CCSER1: variants seen among roughly 807,000 people sequenced by gnomAD.
CCSER1 encodes serine-rich coiled-coil domain-containing protein 1.
Under a neutral mutation model 82.0 loss-of-function variants are expected in CCSER1, and 41 were observed. The ratio of observed to expected loss-of-function variants is 0.50; its 90% CI spans 0.39 to 0.65. CCSER1 has a LOEUF of 0.65. Among genes scored for constraint, CCSER1 ranks in the 30% least tolerant of loss-of-function variants. The pLI is 0.00. For synonymous variants in CCSER1, 414 were observed against 383.9 expected, an observed-to-expected ratio of 1.08 and a Z score of -0.92; for missense variants, 1,119 against 1,064.2, an observed-to-expected ratio of 1.05 and a Z score of -0.72.
At chr4:90,494,587 A>G (rs749515515) in intron 5 of CCSER1, among the ~76,000 whole-genome samples, 2 of 152,132 alleles carry the variant, frequency 1.3e-5, no homozygotes, top group African/African-American at 2.4e-5. Flanking sequence ...AAACTACAAA[A>G]TTTCTTTGAA....
At chr4:91,504,320 C>T (rs1391211890) in intron 10 of CCSER1, among the ~76,000 whole-genome samples, 1 of 152,014 alleles carries the variant, frequency 6.6e-6, no homozygotes, top group Non-Finnish European at 1.5e-5. Flanking sequence ...TAATTGTTTT[C>T]CCTAATCTGA....
chr4:90,747,168 T>C (rs1747621454), intron 7 of CCSER1, among the ~76,000 whole-genome samples: 1 of 152,054 alleles, frequency 6.6e-6, no homozygotes, highest in South Asian at 2.1e-4. Context: ...CACTATTAGG[T>C]TGGGCATGTA....
chr4:90,977,815 G>C (rs541286040), intron 9 of CCSER1, among the ~76,000 whole-genome samples: 1 of 151,742 alleles, frequency 6.6e-6, no homozygotes, highest in Admixed American at 6.6e-5. Context: ...ACATTTAATA[G>C]ATGACAATAG....
chr4:90,491,115 A>G (rs1230813690), intron 5 of CCSER1, among the ~76,000 whole-genome samples: 1 of 152,100 alleles, frequency 6.6e-6, no homozygotes, highest in Non-Finnish European at 1.5e-5. Context: ...CTTGGGCAGT[A>G]TGGCCATTTT....
chr4:90,656,752 T>C (rs1406671323), intron 6 of CCSER1, among the ~76,000 whole-genome samples: 2 of 151,964 alleles, frequency 1.3e-5, no homozygotes. Flanking sequence ...GAAATAATTA[T>C]TTTCTAATTA....
At chr4:91,112,566 C>T (rs1476636059) in intron 10 of CCSER1, 1 of 152,062 alleles carries the variant, frequency 6.6e-6, no homozygotes, top group Non-Finnish European at 1.5e-5. Context: ...ACTTAAGGGT[C>T]ACTCATTGCA....
intron 8 of CCSER1, among the ~76,000 whole-genome samples, chr4:90,897,697 T>G (rs2150135799): frequency 6.6e-6 from 1 of 152,192 alleles, no homozygotes; most frequent in East Asian, 1.9e-4. Context: ...TTGAGAAATC[T>G]TCTACCATTT....
At chr4:91,331,389 C>T (rs1023580446) in intron 10 of CCSER1, among the ~76,000 whole-genome samples, 5 of 152,010 alleles carry the variant, frequency 3.3e-5, no homozygotes, top group African/African-American at 7.2e-5. Context: ...ATGTAAGAAA[C>T]CCCTAAGGTA....
intron 9 of CCSER1, among the ~76,000 whole-genome samples, chr4:91,045,960 G>A (rs1742436295): frequency 6.6e-6 from 1 of 150,980 alleles, no homozygotes; most frequent in South Asian, 2.1e-4. Flanking sequence ...CAGTCAAAGG[G>A]GGTTCTCTGG....
chr4:90,257,522 A>C (rs1327557351), intron 1 of CCSER1, among the ~76,000 whole-genome samples: 1 of 149,450 alleles, frequency 6.7e-6, no homozygotes, highest in East Asian at 1.9e-4. Context: ...GAGAGTGCCA[A>C]TAGGATACAG....
chr4:90,471,298 T>A (rs954464219), intron 5 of CCSER1, among the ~76,000 whole-genome samples: 2 of 151,946 alleles, frequency 1.3e-5, no homozygotes, highest in African/African-American at 4.8e-5. Flanking sequence ...CCCTGGGCAC[T>A]GTGGCTTGCA....
chr4:90,703,572 G>T (rs1318851390), intron 6 of CCSER1, among the ~76,000 whole-genome samples: 3 of 152,168 alleles, frequency 2.0e-5, no homozygotes, highest in Admixed American at 6.5e-5. Flanking sequence ...TGACAGTGGG[G>T]TGTTAAAGTC....
At chr4:90,224,226 C>T (rs981526668) in intron 1 of CCSER1, among the ~76,000 whole-genome samples, 2 of 152,176 alleles carry the variant, frequency 1.3e-5, no homozygotes, top group African/African-American at 4.8e-5. Context: ...AAAAGGCAGA[C>T]TCCTGAGGTT....
At chr4:90,876,442 T>C (rs1006902060) in intron 8 of CCSER1, among the ~76,000 whole-genome samples, 7 of 152,112 alleles carry the variant, frequency 4.6e-5, no homozygotes, top group African/African-American at 1.7e-4. Flanking sequence ...GAAGCAATCA[T>C]GTGTGAAAGG....
chr4:91,378,030 T>C lies in CCSER1; in HGVS notation c.2218-220542T>C, dbSNP rs1030409859. Among the ~76,000 whole-genome samples, 3 of 152,242 alleles carry C rather than the reference T, an allele frequency of 2.0e-5. 1 individual carries two copies. Among genetic ancestry groups the C allele is most frequent in the Admixed American group, 2.0e-4 (3 of 15,288 alleles). ...GAATTCTTTCCCCATTTCTTGTTTTTGTCAGATTTGTCAAAGATCAGATGG... is the reference window on the plus strand; with the variant it reads ...GAATTCTTTCCCCATTTCTTGTTTTCGTCAGATTTGTCAAAGATCAGATGG... On this transcript the variant is annotated intron_variant, in intron 10 of 10. Transcript: ENST00000509176.
chr4:90,376,120 G>T (rs939183068), intron 3 of CCSER1, among the ~76,000 whole-genome samples: 2 of 152,176 alleles, frequency 1.3e-5, no homozygotes, highest in Admixed American at 1.3e-4. Flanking sequence ...ACCTTCAAGT[G>T]TTTAAGGAAA....
chr4:91,510,670 G>A (rs1759767843), intron 10 of CCSER1, among the ~76,000 whole-genome samples: 1 of 152,054 alleles, frequency 6.6e-6, no homozygotes, highest in Non-Finnish European at 1.5e-5. Context: ...CTTTTTAATA[G>A]GGTTTGTTTT....
chr4:90,247,422 A>G (rs539522565), intron 1 of CCSER1, among the ~76,000 whole-genome samples: 1 of 152,204 alleles, frequency 6.6e-6, no homozygotes, highest in Non-Finnish European at 1.5e-5. Context: ...AAATATAACA[A>G]GAAAATATAT....
chr4:90,924,953 C>T (rs372337145), intron 9 of CCSER1, among the ~76,000 whole-genome samples: 5 of 152,128 alleles, frequency 3.3e-5, no homozygotes, highest in African/African-American at 1.2e-4. Context: ...TCTCGAACTC[C>T]TTACCTCAAA....
Sources: allele counts gnomAD v4.1 joint callset (sites outside exome capture counted in the v4.1 genomes callset), GRCh38; gene constraint gnomAD v4.1.1; transcripts MANE v1.5; gene names NCBI Gene and HGNC (gene_info 2026-07-23, HGNC 2026-07-21).